The following GABBR2 variants were observed in gnomAD, a reference collection of about 807,000 sequenced individuals.
The protein encoded by GABBR2 is G-protein coupled receptor 51.
Under a neutral mutation model 105.6 loss-of-function variants are expected in GABBR2, and 23 were observed. The observed-to-expected ratio is 0.22, with a 90% CI of 0.16 to 0.31. The LOEUF is 0.31. Among genes scored for constraint, GABBR2 ranks in the 10% least tolerant of loss-of-function variants. GABBR2 has a pLI of 1.00. For missense variants in GABBR2, 734 were observed against 1,245.5 expected, an observed-to-expected ratio of 0.59 and a Z score of 6.18; for synonymous variants, 478 against 499.7, an observed-to-expected ratio of 0.96 and a Z score of 0.58.
intron 1 of GABBR2, among the ~76,000 whole-genome samples, chr9:98,697,359 C>G (rs1020871247): frequency 6.6e-6 from 1 of 152,074 alleles, no homozygotes; most frequent in Non-Finnish European, 1.5e-5. Context: ...GGCGTGGTGG[C>G]GGGCGCCTGT....
intron 6 of GABBR2, among the ~76,000 whole-genome samples, chr9:98,461,648 G>A (rs1826425577): frequency 6.6e-6 from 1 of 152,186 alleles, no homozygotes; most frequent in South Asian, 2.1e-4. Context: ...TCACGAGCAT[G>A]GGTGGGTGTA....
intron 17 of GABBR2, among the ~76,000 whole-genome samples, chr9:98,294,719 C>G (rs1475295466): frequency 6.6e-6 from 1 of 152,158 alleles, no homozygotes; most frequent in African/African-American, 2.4e-5. Context: ...CTCAGGTGAT[C>G]CAACTGCCTT....
At chr9:98,571,939 C>A (rs1229604168) in intron 2 of GABBR2, among the ~76,000 whole-genome samples, 1 of 152,212 alleles carries the variant, frequency 6.6e-6, no homozygotes, top group Non-Finnish European at 1.5e-5. Flanking sequence ...TGCTGGAGGC[C>A]TGGACTCCTC....
Position 98,406,378 on chromosome 9 carries a change from T to C in GABBR2, c.1237-237A>G, listed in dbSNP as rs6478702. 0.05 allele frequency among the ~76,000 whole-genome samples: 7,569 copies of C among 152,340 alleles called. 656 individuals carry two copies. The highest frequency in any genetic ancestry group is 0.17 in the African/African-American group (7,133 of 41,550). On this transcript the variant is annotated intron_variant, in intron 7 of 18. Transcript: ENST00000259455. ...CAATAATGGAACTAACACATGTGAA[T>C]TGAAGCCAAGATAAGCATCATCATG...
chr9:98,707,766 G>T (rs1373851548), intron 1 of GABBR2, among the ~76,000 whole-genome samples: 4 of 152,214 alleles, frequency 2.6e-5, no homozygotes, highest in Non-Finnish European at 5.9e-5. Flanking sequence ...CCGAGGCAGG[G>T]GTCTCCTGAA....
At chr9:98,665,782 C>T (rs759568559) in intron 1 of GABBR2, among the ~76,000 whole-genome samples, 6 of 152,204 alleles carry the variant, frequency 3.9e-5, no homozygotes, top group Non-Finnish European at 8.8e-5. Context: ...TGCTGAACGT[C>T]CAACCTGCCA....
intron 1 of GABBR2, among the ~76,000 whole-genome samples, chr9:98,648,118 TAGATAGATAG>T (rs1343327419): frequency 7.0e-6 from 1 of 142,038 alleles, no homozygotes; most frequent in Non-Finnish European, 1.5e-5. Flanking sequence ...TGTGTGTGTA[TAGATAGATAG>T]ATAGATAGAT....
intron 1 of GABBR2, among the ~76,000 whole-genome samples, chr9:98,653,872 C>A (rs534337582): frequency 1.3e-5 from 2 of 152,150 alleles, no homozygotes; most frequent in African/African-American, 2.4e-5. Context: ...ATGTAGTATG[C>A]CAGGTACTGC....
rs142578047 is a variant in GABBR2 at position 98,533,489 on chromosome 9, A to G, written c.630+8384T>C. ...GGACTCAGGAAAACAGGAGGGAAAG[A>G]ACTGCATTTGTCCCTAAGAATCTGG... On this transcript the variant is annotated intron_variant, in intron 3 of 18. Transcript: ENST00000259455. Among the ~76,000 whole-genome samples the G allele has an allele frequency of 2.8e-4, 43 of 152,280 alleles. No individual in the cohort carries two copies. The East Asian group carries it at 8.3e-3, about 29-fold the overall frequency.
chr9:98,342,680 C>T (rs1831234152), intron 13 of GABBR2, among the ~76,000 whole-genome samples: 1 of 152,192 alleles, frequency 6.6e-6, no homozygotes, highest in Non-Finnish European at 1.5e-5. Context: ...GTGACAAGAC[C>T]AGCCTCACTC....
At chr9:98,672,252 C>T (rs1010963743) in intron 1 of GABBR2, among the ~76,000 whole-genome samples, 2 of 152,168 alleles carry the variant, frequency 1.3e-5, no homozygotes, top group Non-Finnish European at 2.9e-5. Flanking sequence ...CATTCCACTT[C>T]CCGTCTCTGT....
intron 1 of GABBR2, among the ~76,000 whole-genome samples, chr9:98,685,505 AG>A (rs1830609424): frequency 6.6e-6 from 1 of 152,196 alleles, no homozygotes; most frequent in African/African-American, 2.4e-5. Flanking sequence ...TGAATGAATA[AG>A]GGCATGAATG....
intron 1 of GABBR2, among the ~76,000 whole-genome samples, chr9:98,651,668 G>A (rs1180299204): frequency 6.6e-6 from 1 of 151,446 alleles, no homozygotes; most frequent in Non-Finnish European, 1.5e-5. Context: ...CTGGCCTCAA[G>A]TGATCCTCCC....
chr9:98,375,783 T>C (rs1831861717), intron 11 of GABBR2, among the ~76,000 whole-genome samples: 2 of 152,140 alleles, frequency 1.3e-5, no homozygotes, highest in Admixed American at 1.3e-4. Flanking sequence ...TCCAGGGGCA[T>C]TTCCTGCACT....
chr9:98,317,879 A>G (rs1394636735), intron 13 of GABBR2, among the ~76,000 whole-genome samples: 1 of 152,182 alleles, frequency 6.6e-6, no homozygotes. Flanking sequence ...AAATATTCCT[A>G]AAGGAAACTA....
intron 1 of GABBR2, among the ~76,000 whole-genome samples, chr9:98,584,000 A>C (rs892394400): frequency 5.9e-5 from 9 of 152,166 alleles, no homozygotes; most frequent in African/African-American, 2.2e-4. Flanking sequence ...CAAAACCATC[A>C]TTCTGAGAAG....
At chr9:98,589,165 C>T (rs1304980169) in intron 1 of GABBR2, among the ~76,000 whole-genome samples, 7 of 152,322 alleles carry the variant, frequency 4.6e-5, no homozygotes, top group Admixed American at 2.6e-4. Flanking sequence ...ACTGGTCCAG[C>T]TGGAACTTTC....
chr9:98,567,020 A>T (rs1273568883), intron 2 of GABBR2, among the ~76,000 whole-genome samples: 1 of 152,168 alleles, frequency 6.6e-6, no homozygotes, highest in African/African-American at 2.4e-5. Context: ...TTCTTTCTAG[A>T]TGCAATCTGT....
intron 8 of GABBR2, among the ~76,000 whole-genome samples, chr9:98,397,255 C>T: frequency 6.6e-6 from 1 of 152,174 alleles, no homozygotes; most frequent in South Asian, 2.1e-4. Context: ...AAAGTCATTC[C>T]CGTGTCCTCA....
Sources: gnomAD v4.1 joint callset for allele counts (sites outside exome capture counted in the v4.1 genomes callset) on GRCh38, gnomAD v4.1.1 for gene constraint, MANE v1.5 for transcripts, NCBI Gene and HGNC (gene_info 2026-07-23, HGNC 2026-07-21) for gene names.